ING4: variants seen among roughly 807,000 people sequenced by gnomAD.
ING4 encodes the protein inhibitor of growth family member 4, also known as inhibitor of growth protein 4.
A neutral mutation model predicts 33.1 loss-of-function variants in ING4; 28 were observed. The ratio of observed to expected loss-of-function variants is 0.85; its 90% confidence interval spans 0.63 to 1.16. The LOEUF is 1.16. Ranked by LOEUF, ING4 falls within the 50% of genes most tolerant of loss-of-function variation. The probability of loss-of-function intolerance (pLI) is 0.00; values close to 1 mark genes in which losing one functional copy is unlikely to be tolerated. For missense variants in ING4, 247 were observed against 314.7 expected (o/e 0.78, Z 1.63); for synonymous variants, 87 against 104.4 (o/e 0.83, Z 1.02).
intron 2 of ING4, among the ~76,000 whole-genome samples, chr12:6,655,052 A>ATT (rs199584457): frequency 6.5e-5 from 9 of 137,924 alleles, no homozygotes; most frequent in Non-Finnish European, 1.1e-4. Context: ...TATTTTATTT[A>ATT]TTTTTTTTTG....
chr12:6,652,731 C>A lies in ING4; in HGVS notation c.428G>T (p.Arg143Leu), dbSNP rs149630308. The A allele has an allele frequency of 6.2e-7, 1 of 1,613,978 alleles. No individual in the cohort carries two copies. Among genetic ancestry groups the A allele is most frequent in the Admixed American group, 1.7e-5 (1 of 59,996 alleles). ...TTCATCCGAGTTTTTCCCTTTGGAACGAGCACGAGCAGCTTTCTTCTCCTT... is the reference window on the plus strand; with the variant it reads ...TTCATCCGAGTTTTTCCCTTTGGAAAGAGCACGAGCAGCTTTCTTCTCCTT... ...TQKEKKAARA[R>L]SKGKNSDEEA... The change falls in exon 5 of 8, where the codon CGT becomes CTT. Residue 143 changes from arginine to leucine, a missense_variant. This residue lies in a region of ING4 where 198 missense variants were observed against 221.2 expected (regional missense o/e 0.89). Coordinates refer to ENST00000341550, the MANE Select transcript of ING4 (RefSeq NM_016162.4).
intron 5 of ING4, 73 bp downstream of exon 5, chr12:6,652,589 C>A: frequency 1.4e-6 from 2 of 1,429,468 alleles, no homozygotes; most frequent in Non-Finnish European, 9.8e-7. Flanking sequence ...CGGCAGGGGG[C>A]GGTGCAGGCT....
intron 1 of ING4, among the ~76,000 whole-genome samples, chr12:6,659,361 G>C: frequency 6.6e-6 from 1 of 152,016 alleles, no homozygotes; most frequent in East Asian, 1.9e-4. Flanking sequence ...TTCAAGACCA[G>C]CCTGGCCAAC....
In ING4 at chr12:6,651,347, C is replaced by T. The variant is rs2136259498; in HGVS notation, c.684G>A (p.Leu228=). The T allele has an allele frequency of 3.1e-6, 5 of 1,614,166 alleles. No individual in the cohort carries two copies. In the African/African-American group the frequency reaches 4.0e-5, roughly 13 times the overall value. Residue 228 remains leucine, a synonymous_variant, in exon 7 of 8, where the codon CTG becomes CTA. Transcript: ENST00000341550. ...ACCATTTCCCCCGAGGCTTGGTTGT[C>T]AGCCCCACACAGGCAAAATGGAACC... ...IEWFHFACVG[L]TTKPRGKWFC...
chr12:6,654,984 C>A (rs1017236233), intron 2 of ING4, among the ~76,000 whole-genome samples: 19 of 152,116 alleles, frequency 1.2e-4, no homozygotes, highest in Non-Finnish European at 2.2e-4. Flanking sequence ...CTCGGCCTCC[C>A]AAAGTACTGG....
chr12:6,654,945 G>A (rs1189899970), intron 2 of ING4, among the ~76,000 whole-genome samples: 3 of 152,098 alleles, frequency 2.0e-5, no homozygotes, highest in Non-Finnish European at 2.9e-5. Context: ...GGCTGGTCTC[G>A]AAGTTCTGAT....
At chr12:6,659,154 G>A (rs1481282110) in intron 1 of ING4, among the ~76,000 whole-genome samples, 4 of 152,160 alleles carry the variant, frequency 2.6e-5, no homozygotes, top group East Asian at 3.8e-4. Context: ...GGCTGGGTGC[G>A]GTGGCCCATG....
At chr12:6,656,703 A>G (rs1224914987) in intron 2 of ING4, 24 bp downstream of exon 2, 1 of 1,419,916 alleles carries the variant, frequency 7.0e-7, no homozygotes. Flanking sequence ...CATTAGATAC[A>G]AAAACTTTTT....
rs533711801 is a variant in ING4, at chr12:6,656,128, C to T, written c.109+599G>A. On this transcript the variant is annotated intron_variant, in intron 2 of 7. Transcript: ENST00000341550. Reference sequence around the variant, plus strand: ...CTAGTCATCCTATAAATATATCAAACGTGGAGAGCAGAAATGACTCGAGTT... The same window carrying T: ...CTAGTCATCCTATAAATATATCAAATGTGGAGAGCAGAAATGACTCGAGTT... Among the ~76,000 whole-genome samples the T allele has an allele frequency of 4.0e-5, 6 of 151,566 alleles. No individual in the cohort carries two copies. The South Asian group carries it at 1.2e-3, about 32-fold the overall frequency.
chr12:6,651,497 A>T, intron 6 of ING4, 112 bp from the exon 7 acceptor site: 1 of 904,600 alleles, frequency 1.1e-6, no homozygotes, highest in Non-Finnish European at 1.7e-6. Context: ...CTTTTGGAGA[A>T]TTCTTGGAAG....
intron 5 of ING4, 115 bp from the exon 6 acceptor site, chr12:6,652,533 G>A: frequency 7.2e-7 from 1 of 1,385,844 alleles, no homozygotes; most frequent in Non-Finnish European, 1.0e-6. Context: ...TTCTCCAGCA[G>A]ATACCAAAAT....
At chr12:6,651,264 G>A (rs770410492) in intron 7 of ING4, 30 bp from the exon 8 acceptor site, 1 of 1,614,066 alleles carries the variant, frequency 6.2e-7, no homozygotes, top group Non-Finnish European at 8.5e-7. Context: ...AGAAAAGTGA[G>A]TGAAAGGGAG....
At chr12:6,660,427 A>G (rs1949511925) in intron 1 of ING4, among the ~76,000 whole-genome samples, 1 of 152,106 alleles carries the variant, frequency 6.6e-6, no homozygotes, top group Admixed American at 6.6e-5. Context: ...TGGCCAACAC[A>G]GTGAAACCTC....
intron 6 of ING4, 87 bp from the exon 7 acceptor site, chr12:6,651,472 G>C (rs895672735): frequency 9.2e-7 from 1 of 1,083,610 alleles, no homozygotes; most frequent in Admixed American, 1.8e-5. Context: ...GGAACATCCT[G>C]TCCTTTACTC....
intron 1 of ING4, among the ~76,000 whole-genome samples, chr12:6,658,483 C>T (rs1023211951): frequency 6.6e-6 from 1 of 151,966 alleles, no homozygotes; most frequent in South Asian, 2.1e-4. Flanking sequence ...CTGAGGAGTT[C>T]AAGACCAGCC....
In ING4 at chr12:6,651,286, C is replaced by G. The variant is rs769103240; in HGVS notation, c.707+38G>C. On this transcript the variant is annotated intron_variant, in intron 7 of 7. Transcript: ENST00000341550. ...TGAGTGAAAGGGAGAATGCCCTTGA[C>G]CACTCAACTTAGGGACCCTCCAACT... 4.3e-6 allele frequency: 7 copies of G among 1,613,538 alleles called. No homozygotes were observed. The East Asian group carries it at 1.3e-4, about 31-fold the overall frequency.
Position 6,663,059 on chromosome 12 carries a change from T to C in ING4, c.37+6A>G, listed in dbSNP as rs768874368. The C allele has an allele frequency of 6.2e-7, 1 of 1,613,976 alleles. No individual in the cohort carries two copies. Among genetic ancestry groups the C allele is most frequent in the Admixed American group, 1.7e-5 (1 of 59,990 alleles). ...GCCCCGACCCCCACCTCCAGCCTGC[T>C]CTTACTGTCCAGATAATGTTCCAAA... is the stretch of plus-strand genomic sequence containing the variant. On this transcript the variant is annotated splice_donor_region_variant and intron_variant, in intron 1 of 7. Coordinates refer to ENST00000341550, the MANE Select transcript of ING4 (RefSeq NM_016162.4).
chr12:6,663,014 G>A (rs767393351), intron 1 of ING4, 51 bp downstream of exon 1: 1 of 1,587,002 alleles, frequency 6.3e-7, no homozygotes, highest in Admixed American at 1.7e-5. Context: ...TCTCATCCCT[G>A]ATCCCCGCAC....
intron 2 of ING4, among the ~76,000 whole-genome samples, chr12:6,654,162 C>T (rs1021590405): frequency 1.3e-5 from 2 of 151,858 alleles, no homozygotes; most frequent in East Asian, 1.9e-4. Flanking sequence ...TAGAGGCAGG[C>T]GCAGGTTCTC....
Sources: gnomAD v4.1 joint callset for allele counts (sites outside exome capture counted in the v4.1 genomes callset) on GRCh38, gnomAD v4.1.1 for gene constraint, gnomAD v4.1.1 regional missense constraint, MANE v1.5 for transcripts, NCBI Gene and HGNC (gene_info 2026-07-23, HGNC 2026-07-21) for gene names.